Variants in ZNF257 observed in about 807,000 individuals in gnomAD.
ZNF257 encodes zinc finger protein 257, also known as bone marrow zinc finger 4.
ZNF257 carries 12 observed loss-of-function variants against 11.9 expected under a neutral mutation model. The ratio of observed to expected loss-of-function variants is 1.01; its 90% CI spans 0.65 to 1.63. The LOEUF (loss-of-function observed/expected upper bound fraction) is 1.63, where lower values mean the gene tolerates loss of function less well. Among genes scored for constraint, ZNF257 ranks in the 40% most tolerant of loss-of-function variants. The pLI, the probability that ZNF257 is intolerant of heterozygous loss-of-function variation, is 0.00. For synonymous variants in ZNF257, 183 were observed against 222.7 expected, an observed-to-expected ratio of 0.82 and a Z score of 1.59; for missense variants, 580 against 665.5, an observed-to-expected ratio of 0.87 and a Z score of 1.41.
At chr19:22,079,672 G>A (rs1408319982) in intron 3 of ZNF257, among the ~76,000 whole-genome samples, 1 of 152,098 alleles carries the variant, frequency 6.6e-6, no homozygotes, top group African/African-American at 2.4e-5. Context: ...TCTCTCTCAT[G>A]ACACATGGGA....
chr19:22,065,985 G>A (rs1294569545), intron 1 of ZNF257: 1 of 152,204 alleles, frequency 6.6e-6, no homozygotes, highest in Non-Finnish European at 1.5e-5. Flanking sequence ...CATGCTGAGA[G>A]TAGCTGTGCA....
chr19:22,077,189 T>A (rs550081161), intron 3 of ZNF257, among the ~76,000 whole-genome samples: 1 of 152,106 alleles, frequency 6.6e-6, no homozygotes, highest in Admixed American at 6.5e-5. Context: ...CATGGGGGTA[T>A]GCACCTGTGG....
chr19:22,085,965 G>A (rs1434180007), intron 3 of ZNF257, among the ~76,000 whole-genome samples: 1 of 152,104 alleles, frequency 6.6e-6, no homozygotes, highest in Non-Finnish European at 1.5e-5. Context: ...GACTGTTATA[G>A]AAAGGCAAGT....
chr19:22,084,191 A>G (rs1248073887), intron 3 of ZNF257, among the ~76,000 whole-genome samples: 1 of 152,058 alleles, frequency 6.6e-6, no homozygotes, highest in Non-Finnish European at 1.5e-5. Flanking sequence ...TTACATTTCA[A>G]ATTATATCTA....
intron 2 of ZNF257, among the ~76,000 whole-genome samples, 158 bp from the exon 3 acceptor site, chr19:22,073,311 T>C (rs1375132683): frequency 6.6e-6 from 1 of 152,186 alleles, no homozygotes; most frequent in African/African-American, 2.4e-5. Context: ...TCTACAAATA[T>C]ACAGTATTTT....
chr19:22,069,915 G>C (rs73544691), intron 1 of ZNF257, among the ~76,000 whole-genome samples: 24 of 152,208 alleles, frequency 1.6e-4, no homozygotes, highest in African/African-American at 5.1e-4. Flanking sequence ...CAGTGGCACA[G>C]AGAACAAATT....
intron 3 of ZNF257, among the ~76,000 whole-genome samples, chr19:22,081,592 A>G (rs1045284780): frequency 2.0e-5 from 3 of 152,068 alleles, no homozygotes; most frequent in African/African-American, 7.3e-5. Context: ...GCAGTGGTTT[A>G]ATGATGGCTC....
At chr19:22,085,046 T>TG (rs2022445822) in intron 3 of ZNF257, among the ~76,000 whole-genome samples, 1 of 150,208 alleles carries the variant, frequency 6.7e-6, no homozygotes, top group African/African-American at 2.5e-5. Context: ...TAGTTTTTTT[T>TG]TTTGTTGTTG....
intron 1 of ZNF257, among the ~76,000 whole-genome samples, chr19:22,070,771 AT>A (rs1232712047): frequency 6.6e-6 from 1 of 151,818 alleles, no homozygotes; most frequent in African/African-American, 2.4e-5. Flanking sequence ...CAACATCAAC[AT>A]TGACAGGGGA....
At chr19:22,070,755 G>A (rs1267212277) in intron 1 of ZNF257, among the ~76,000 whole-genome samples, 7 of 150,240 alleles carry the variant, frequency 4.7e-5, no homozygotes, top group Admixed American at 3.3e-4. Context: ...CATGAGCCCA[G>A]GGGAGCAACA....
Position 22,088,421 on chromosome 19 carries a change from C to G in ZNF257, c.671C>G (p.Thr224Ser). 1 of 1,613,556 alleles carries G rather than the reference C, an allele frequency of 6.2e-7. No individual in the cohort carries two copies. Among genetic ancestry groups the G allele is most frequent in the Non-Finnish European group, 8.5e-7 (1 of 1,179,858 alleles). ...CTTACTCGACATAAGATGACTCATA[C>G]TGGAGAGAAACCCTACAAATGTGAA... is the stretch of plus-strand genomic sequence containing the variant. ...SALTRHKMTHTGEKPYKCEEC... is the reference protein window; with the variant it reads ...SALTRHKMTHSGEKPYKCEEC... The change falls in exon 4 of 4, where the codon ACT becomes AGT. Residue 224 changes from threonine to serine, a missense_variant. Physicochemically the swap from Thr to Ser is moderately conservative, Grantham distance 58. Transcript: ENST00000594947.
At chr19:22,061,137 TG>T (rs1413019322) in intron 1 of ZNF257, among the ~76,000 whole-genome samples, 1 of 151,786 alleles carries the variant, frequency 6.6e-6, no homozygotes. Context: ...AATTTTAAAA[TG>T]GATTCTTTTG....
At chr19:22,062,279 G>T (rs574975403) in intron 1 of ZNF257, among the ~76,000 whole-genome samples, 3 of 141,048 alleles carry the variant, frequency 2.1e-5, no homozygotes, top group South Asian at 4.7e-4. Context: ...AGTCTGGAGT[G>T]CAGTGGCGAA....
chr19:22,072,400 G>T (rs1164520863), intron 1 of ZNF257, among the ~76,000 whole-genome samples: 1 of 151,988 alleles, frequency 6.6e-6, no homozygotes, highest in Non-Finnish European at 1.5e-5. Flanking sequence ...GAAAAACACA[G>T]GCTCTTTTAC....
chr19:22,074,366 T>G (rs1440084651), intron 3 of ZNF257: 1 of 152,028 alleles, frequency 6.6e-6, no homozygotes, highest in Non-Finnish European at 1.5e-5. Context: ...TTATTTATTT[T>G]TTGAGATGGA....
intron 3 of ZNF257, among the ~76,000 whole-genome samples, chr19:22,086,650 CT>C (rs954484150): frequency 6.1e-5 from 9 of 147,146 alleles, no homozygotes; most frequent in East Asian, 2.0e-4. Context: ...TTTAGAAGGT[CT>C]TTTTTTTTTA....
chr19:22,052,673 G>C, intron 1 of ZNF257, 38 bp downstream of exon 1: 1 of 1,604,398 alleles, frequency 6.2e-7, no homozygotes, highest in Admixed American at 1.7e-5. Flanking sequence ...GAGAGGGGAA[G>C]GGGGTGGTTG....
At chr19:22,056,082 G>A (rs1285169198) in intron 1 of ZNF257, among the ~76,000 whole-genome samples, 2 of 150,412 alleles carry the variant, frequency 1.3e-5, no homozygotes, top group East Asian at 3.9e-4. Flanking sequence ...GAAAAGAATT[G>A]TTTTCACTTA....
rs747028286 is a variant in ZNF257, at chr19:22,088,523, A to G, written c.773A>G (p.Lys258Arg). The G allele has an allele frequency of 1.5e-5, 24 of 1,613,734 alleles. No homozygotes were observed. Among genetic ancestry groups the G allele is most frequent in the Non-Finnish European group, 1.9e-5 (22 of 1,179,884 alleles). ...KVIHTREKPY[K>R]CEECGKAFNR... ...ATTCATACTAGAGAGAAACCCTACAAATGTGAAGAGTGTGGCAAAGCCTTT... is the reference window on the plus strand; with the variant it reads ...ATTCATACTAGAGAGAAACCCTACAGATGTGAAGAGTGTGGCAAAGCCTTT... Residue 258 changes from lysine to arginine, a missense_variant, in exon 4 of 4, where the codon AAA becomes AGA. Lys to Arg is a conservative substitution (Grantham distance 26). Transcript: ENST00000594947.
Sources: gnomAD v4.1 joint callset for allele counts (sites outside exome capture counted in the v4.1 genomes callset) on GRCh38, gnomAD v4.1.1 for gene constraint, MANE v1.5 for transcripts, NCBI Gene and HGNC (gene_info 2026-07-23, HGNC 2026-07-21) for gene names.